MAPKBP1: variants seen among roughly 807,000 people sequenced by gnomAD.
MAPKBP1 encodes mitogen-activated protein kinase-binding protein 1.
In MAPKBP1, 71 loss-of-function variants were observed where a neutral mutation model predicts 170.5. The ratio of observed to expected loss-of-function variants is 0.42; its 90% CI spans 0.34 to 0.51. The LOEUF is 0.51. Among genes scored for constraint, MAPKBP1 ranks in the 20% least tolerant of loss-of-function variants. The pLI is 0.06. For missense variants in MAPKBP1, 1,598 were observed against 1,933.0 expected, an observed-to-expected ratio of 0.83 and a Z score of 3.25; for synonymous variants, 719 against 757.9, an observed-to-expected ratio of 0.95 and a Z score of 0.84.
chr15:41,822,624 G>A lies in MAPKBP1; in HGVS notation c.3261G>A (p.Glu1087=). 1 of 1,614,088 alleles carries A rather than the reference G, an allele frequency of 6.2e-7. No individual in the cohort carries two copies. The highest frequency in any genetic ancestry group is 8.5e-7 in the Non-Finnish European group (1 of 1,179,994). ...CAGTGCAGGTCCCAGAGAGGTCAGA[G>A]TCTCGGAGTATCTCTTCACGATTCC... ...GAPVQVPERS[E]SRSISSRFLL... is the part of the protein sequence containing the mutation. The change falls in exon 27 of 31, where the codon GAG becomes GAA. Residue 1087 remains glutamate, a synonymous_variant. Coordinates refer to ENST00000457542, the MANE Select transcript of MAPKBP1 (RefSeq NM_014994.3).
Position 41,822,330 on chromosome 15 carries a change from C to T in MAPKBP1, c.3137C>T (p.Pro1046Leu), listed in dbSNP as rs1405066003. The T allele has an allele frequency of 1.2e-6, 2 of 1,613,920 alleles. No homozygotes were observed. The highest frequency in any genetic ancestry group is 1.7e-6 in the Non-Finnish European group (2 of 1,180,018). Residue 1046 changes from proline to leucine, a missense_variant, in exon 26 of 31, where the codon CCC becomes CTC. Around this residue, in one of 6 missense-constraint regions of MAPKBP1, gnomAD observed 942 missense variants for 953.2 expected, o/e 0.99. Transcript: ENST00000457542. ...GAAGAAGAGGAGGGAGGCATGGGCC[C>T]CTATGGGCTACAGGAGGGCAGCCCC... ...EEEEEEGGMG[P>L]YGLQEGSPQT...
rs770255305 is a variant in MAPKBP1, at chr15:41,819,551, G to C, written c.2426-44G>C. The C allele has an allele frequency of 9.3e-5, 141 of 1,515,412 alleles. 5 individuals carry two copies. The highest frequency in any genetic ancestry group is 2.2e-4 in the South Asian group (19 of 87,594). The allele number at this position is 1,515,412 out of a possible 1,614,324, so 93.9% of individuals were successfully genotyped here. A position where few individuals can be genotyped will look rare whatever the true frequency, so the allele number is the denominator to read the frequency against. Reference sequence around the variant, plus strand: ...CAGGGCTCCAGGGTTGGGTGGCGGGGGGGGGGCAGGAGACACTTCCTCTGA... The same window carrying C: ...CAGGGCTCCAGGGTTGGGTGGCGGGCGGGGGGCAGGAGACACTTCCTCTGA... On this transcript the variant is annotated intron_variant, in intron 21 of 30. Coordinates refer to ENST00000457542, the MANE Select transcript of MAPKBP1 (RefSeq NM_014994.3).
chr15:41,803,845 A>C, intron 3 of MAPKBP1, among the ~76,000 whole-genome samples: 1 of 151,804 alleles, frequency 6.6e-6, no homozygotes, highest in East Asian at 1.9e-4. Flanking sequence ...GGGAGACCAC[A>C]CTGTTTTTTT....
At chr15:41,814,809 A>G (rs1326476809) in intron 10 of MAPKBP1, 70 bp downstream of exon 10, 1 of 1,544,014 alleles carries the variant, frequency 6.5e-7, no homozygotes, top group Non-Finnish European at 8.9e-7. Flanking sequence ...GACAGAAAAT[A>G]GGGATCCCCA....
intron 3 of MAPKBP1, among the ~76,000 whole-genome samples, chr15:41,810,381 T>A (rs11631051): frequency 0.22 from 34,003 of 151,706 alleles, 4,981 homozygotes; most frequent in Middle Eastern, 0.45. Context: ...CAGAGATAGT[T>A]CCTCTTGGGT....
At chr15:41,809,073 C>A (rs1197728309) in intron 3 of MAPKBP1, among the ~76,000 whole-genome samples, 131 of 113,844 alleles carry the variant, frequency 1.2e-3, no homozygotes, top group Admixed American at 1.6e-3. Context: ...GACCCTGCCT[C>A]AAAAAAAAAA....
chr15:41,814,264 G>A (rs888303194), intron 9 of MAPKBP1, among the ~76,000 whole-genome samples: 2 of 152,186 alleles, frequency 1.3e-5, no homozygotes, highest in African/African-American at 4.8e-5. Context: ...TTTTATCTGT[G>A]CACAGAGTAG....
rs1596090974 is a variant in MAPKBP1, at chr15:41,815,823, A to G, written c.1493+24A>G. 8 of 1,599,806 alleles carry G rather than the reference A, an allele frequency of 5.0e-6. No homozygotes were observed. In the South Asian group the frequency reaches 7.7e-5, roughly 15 times the overall value. On this transcript the variant is annotated intron_variant, in intron 12 of 30. Transcript: ENST00000457542. Reference sequence around the variant, plus strand: ...AGGTAATGCCAGGCCCTGGGTGGGTACTGACTGCCTCTCATGGTGCAGAGT... The same window carrying G: ...AGGTAATGCCAGGCCCTGGGTGGGTGCTGACTGCCTCTCATGGTGCAGAGT...
intron 2 of MAPKBP1, among the ~76,000 whole-genome samples, chr15:41,799,402 G>T (rs899779478): frequency 6.6e-6 from 1 of 152,180 alleles, no homozygotes; most frequent in Non-Finnish European, 1.5e-5. Flanking sequence ...TGGTAGGTCA[G>T]AGTGGCCTTT....
At chr15:41,811,825 C>A in intron 5 of MAPKBP1, 132 bp from the exon 6 acceptor site, 1 of 851,540 alleles carries the variant, frequency 1.2e-6, no homozygotes, top group Non-Finnish European at 1.9e-6. Context: ...CTATACCCTG[C>A]CCTGACTTTT....
At chr15:41,810,854 C>T in intron 3 of MAPKBP1, 29 bp from the exon 4 acceptor site, 2 of 1,611,296 alleles carry the variant, frequency 1.2e-6, no homozygotes, top group Non-Finnish European at 1.7e-6. Context: ...TGGTTTGCTG[C>T]TGAGCCTGTT....
intron 2 of MAPKBP1, among the ~76,000 whole-genome samples, chr15:41,792,106 G>C (rs1384122067): frequency 6.7e-6 from 1 of 148,870 alleles, no homozygotes; most frequent in Admixed American, 6.8e-5. Flanking sequence ...GTTCTATCTA[G>C]TATGAATGAG....
At chr15:41,789,292 GA>G (rs34518668) in intron 2 of MAPKBP1, among the ~76,000 whole-genome samples, 117,167 of 149,742 alleles carry the variant, frequency 0.78, 46,245 homozygotes, top group East Asian at 0.86. Context: ...GACTTTAGAG[GA>G]AAAAAAAAAA....
At chr15:41,812,256 G>C (rs1339929942) in intron 6 of MAPKBP1, 129 bp downstream of exon 6, 1 of 1,385,558 alleles carries the variant, frequency 7.2e-7, no homozygotes, top group African/African-American at 1.4e-5. Context: ...AAAGTTATTT[G>C]AAGCAGAAAA....
At chr15:41,778,555 T>C (rs2064133702) in intron 2 of MAPKBP1, among the ~76,000 whole-genome samples, 1 of 152,202 alleles carries the variant, frequency 6.6e-6, no homozygotes, top group East Asian at 1.9e-4. Flanking sequence ...TGGAGTACAT[T>C]GGAAAAGACT....
At chr15:41,796,826 C>G (rs535466830) in intron 2 of MAPKBP1, among the ~76,000 whole-genome samples, 8 of 152,182 alleles carry the variant, frequency 5.3e-5, no homozygotes, top group African/African-American at 1.9e-4. Context: ...AGAGATGGTC[C>G]GTAGCAGGGT....
chr15:41,799,123 G>T lies in MAPKBP1; in HGVS notation c.115-700G>T, dbSNP rs952200636. ...ATGATGAGAGTGATGAGTGTCTCCCGTGGCCGTGTCCTCTCTGAATCTCTG... is the reference window on the plus strand; with the variant it reads ...ATGATGAGAGTGATGAGTGTCTCCCTTGGCCGTGTCCTCTCTGAATCTCTG... On this transcript the variant is annotated intron_variant, in intron 2 of 30. Transcript: ENST00000457542. Among the ~76,000 whole-genome samples the T allele has an allele frequency of 2.6e-5, 4 of 152,114 alleles. No homozygotes were observed. The East Asian group carries it at 7.7e-4, about 29-fold the overall frequency.
At chr15:41,790,621 C>T (rs2064379097) in intron 2 of MAPKBP1, among the ~76,000 whole-genome samples, 3 of 152,130 alleles carry the variant, frequency 2.0e-5, no homozygotes, top group South Asian at 2.1e-4. Context: ...AATTCTAAAC[C>T]GTTAAGCAGG....
Position 41,814,568 on chromosome 15 carries a change from G to A in MAPKBP1, c.999G>A (p.Val333=), listed in dbSNP as rs2064858282. Residue 333 remains valine (V), a synonymous_variant, in exon 10 of 31, where the codon GTG becomes GTA. Transcript: ENST00000457542. The part of the protein sequence containing the change: ...VTEASRLFSG[V]ANARYPDTIA... ...CCTACAGTCGCCTCTTCTCTGGAGT[G>A]GCGAATGCCAGGTATCCAGACACCA... 1.2e-6 allele frequency: 2 copies of A among 1,614,108 alleles called. No homozygotes were observed. Among genetic ancestry groups the A allele is most frequent in the Non-Finnish European group, 1.7e-6 (2 of 1,180,006 alleles).
Sources: gnomAD v4.1 joint callset for allele counts (sites outside exome capture counted in the v4.1 genomes callset) on GRCh38, gnomAD v4.1.1 for gene constraint, gnomAD v4.1.1 regional missense constraint, MANE v1.5 for transcripts, NCBI Gene and HGNC (gene_info 2026-07-23, HGNC 2026-07-21) for gene names.